MACROD2: variants seen among roughly 807,000 people sequenced by gnomAD.
The protein encoded by MACROD2 is mono-ADP ribosylhydrolase 2, also known as ADP-ribose glycohydrolase MACROD2.
A neutral mutation model predicts 70.4 loss-of-function variants in MACROD2; 36 were observed. The ratio of observed to expected loss-of-function variants is 0.51; its 90% CI spans 0.39 to 0.68. The LOEUF (loss-of-function observed/expected upper bound fraction) is 0.68. Among genes scored for constraint, MACROD2 ranks in the 30% least tolerant of loss-of-function variants. MACROD2 has a pLI of 0.00. For missense variants in MACROD2, 496 were observed against 538.4 expected (o/e 0.92, Z 0.78); for synonymous variants, 172 against 178.8 (o/e 0.96, Z 0.30).
intron 4 of MACROD2, among the ~76,000 whole-genome samples, chr20:14,494,479 G>A (rs1267110716): frequency 6.6e-6 from 1 of 152,136 alleles, no homozygotes; most frequent in Non-Finnish European, 1.5e-5. Context: ...GAACTAGGAA[G>A]TGCTCTTCGT....
intron 5 of MACROD2, among the ~76,000 whole-genome samples, chr20:14,892,317 CA>C (rs1233080442): frequency 2.0e-5 from 3 of 151,414 alleles, no homozygotes; most frequent in East Asian, 1.9e-4. Flanking sequence ...ACTAAAAATT[CA>C]AAAAAAATTA....
intron 3 of MACROD2, among the ~76,000 whole-genome samples, chr20:14,443,538 C>G (rs1469580770): frequency 2.6e-5 from 4 of 152,056 alleles, no homozygotes. Flanking sequence ...CTCAGGTGAT[C>G]TGCCCGCCTC....
chr20:14,662,443 C>T (rs183786910), intron 4 of MACROD2, among the ~76,000 whole-genome samples: 13 of 151,622 alleles, frequency 8.6e-5, no homozygotes, highest in South Asian at 2.1e-4. Context: ...TATTTTATGA[C>T]GAAGACATCA....
intron 3 of MACROD2, among the ~76,000 whole-genome samples, chr20:14,105,193 G>T (rs1390096922): frequency 6.6e-6 from 1 of 152,194 alleles, no homozygotes; most frequent in Non-Finnish European, 1.5e-5. Flanking sequence ...AACCAAAAAT[G>T]AGATGAGGAA....
At chr20:15,216,012 G>A (rs946488083) in intron 5 of MACROD2, among the ~76,000 whole-genome samples, 2 of 152,060 alleles carry the variant, frequency 1.3e-5, no homozygotes, top group Non-Finnish European at 2.9e-5. Flanking sequence ...AAATGAAAGA[G>A]TAGTAATAAT....
At chr20:15,144,632 C>T (rs1346100035) in intron 5 of MACROD2, among the ~76,000 whole-genome samples, 4 of 152,072 alleles carry the variant, frequency 2.6e-5, no homozygotes, top group African/African-American at 9.7e-5. Context: ...GAGCATAATT[C>T]AACTTTGCAC....
chr20:15,461,006 A>ATATATATATATATTTTTT lies in MACROD2; in HGVS notation c.571+29572_571+29573insATATATATATATTTTTTT. Among the ~76,000 whole-genome samples the ATATATATATATATTTTTT allele has an allele frequency of 5.5e-3, 367 of 66,832 alleles. 6 individuals carry two copies. Among genetic ancestry groups the ATATATATATATATTTTTT allele is most frequent in the Non-Finnish European group, 8.8e-3 (267 of 30,372 alleles). 43.8% of individuals were successfully genotyped at this position (66,832 alleles called of 152,430 possible). A position where few individuals can be genotyped will look rare whatever the true frequency, so the allele number is the denominator to read the frequency against. On this transcript the variant is annotated intron_variant, in intron 7 of 17. Transcript: ENST00000684519. ...TATATATATATATATATATATATAT[A>ATATATATATATATTTTTT]TTTTTTTTTAATAGATGGGGTCTTG... is the stretch of plus-strand genomic sequence containing the variant.
intron 8 of MACROD2, among the ~76,000 whole-genome samples, chr20:15,707,215 G>A (rs767151191): frequency 3.3e-5 from 5 of 152,192 alleles, no homozygotes; most frequent in Non-Finnish European, 7.3e-5. Flanking sequence ...AGGAATTTAA[G>A]TAGTCCTTCT....
At chr20:16,000,644 A>C (rs1046043113) in intron 15 of MACROD2, among the ~76,000 whole-genome samples, 2 of 152,222 alleles carry the variant, frequency 1.3e-5, no homozygotes, top group African/African-American at 2.4e-5. Context: ...AAAGTAAAGA[A>C]GGTTCTACCT....
intron 8 of MACROD2, among the ~76,000 whole-genome samples, chr20:15,843,581 T>C (rs751850025): frequency 1.3e-5 from 2 of 152,170 alleles, no homozygotes; most frequent in African/African-American, 2.4e-5. Flanking sequence ...TGCAAATCGA[T>C]TAACTTCAAG....
At chr20:15,655,055 G>T (rs750007506) in intron 8 of MACROD2, among the ~76,000 whole-genome samples, 2 of 152,068 alleles carry the variant, frequency 1.3e-5, no homozygotes, top group Non-Finnish European at 2.9e-5. Flanking sequence ...TCATAGAAAT[G>T]GCATGAGGTC....
At chr20:15,909,715 G>A (rs908758906) in intron 10 of MACROD2, among the ~76,000 whole-genome samples, 6 of 151,624 alleles carry the variant, frequency 4.0e-5, no homozygotes, top group Non-Finnish European at 8.8e-5. Context: ...AGTAGAGACG[G>A]GGTTTCACCG....
At chr20:15,103,701 G>C (rs1485829209) in intron 5 of MACROD2, among the ~76,000 whole-genome samples, 1 of 152,110 alleles carries the variant, frequency 6.6e-6, no homozygotes, top group Non-Finnish European at 1.5e-5. Flanking sequence ...ATTTTACATA[G>C]AGATAAATCC....
chr20:14,027,252 GC>G (rs1453260612), intron 2 of MACROD2, among the ~76,000 whole-genome samples: 2 of 151,810 alleles, frequency 1.3e-5, no homozygotes, highest in African/African-American at 4.8e-5. Context: ...GATCGATTCG[GC>G]TATTGATACT....
chr20:14,977,348 T>G (rs2074749761), intron 5 of MACROD2, among the ~76,000 whole-genome samples: 1 of 151,672 alleles, frequency 6.6e-6, no homozygotes, highest in African/African-American at 2.4e-5. Context: ...CTTAGCTTCT[T>G]CTTTTTATGC....
At position 14,708,235 on chromosome 20, in the gene MACROD2, T is replaced by C. The variant is rs138217180; in HGVS notation, c.418+23276T>C. Among the ~76,000 whole-genome samples, 948 of 152,332 alleles carry C rather than the reference T, an allele frequency of 6.2e-3. 11 individuals are homozygous for C. Among genetic ancestry groups the C allele is most frequent in the African/African-American group, 0.022 (913 of 41,572 alleles). On this transcript the variant is annotated intron_variant, in intron 5 of 17. Coordinates refer to ENST00000684519, the MANE Select transcript of MACROD2 (RefSeq NM_001351661.2). ...TTTAATCTTCCTGATAACCTCTTAT[T>C]ATAATATACACTGTGGTAGACTAAC...
At chr20:15,581,822 A>G (rs1321466347) in intron 8 of MACROD2, among the ~76,000 whole-genome samples, 4 of 152,172 alleles carry the variant, frequency 2.6e-5, no homozygotes, top group African/African-American at 9.7e-5. Context: ...GAAAAACAGC[A>G]AAATGAAATA....
chr20:14,182,554 T>G (rs6079338), intron 3 of MACROD2, among the ~76,000 whole-genome samples: 111,288 of 152,024 alleles, frequency 0.73, 40,996 homozygotes, highest in East Asian at 0.8. Context: ...ATTGCCTAAT[T>G]CAGGGTTATG....
intron 10 of MACROD2, among the ~76,000 whole-genome samples, chr20:15,902,253 T>C (rs1347451731): frequency 6.6e-6 from 1 of 152,046 alleles, no homozygotes; most frequent in East Asian, 1.9e-4. Flanking sequence ...CATTTGACGG[T>C]GTAGGTATTG....
Sources: allele counts gnomAD v4.1 joint callset (sites outside exome capture counted in the v4.1 genomes callset), GRCh38; gene constraint gnomAD v4.1.1; transcripts MANE v1.5; gene names NCBI Gene and HGNC (gene_info 2026-07-23, HGNC 2026-07-21).